The following BARD1 variants were observed in gnomAD, a reference collection of about 807,000 sequenced individuals.
BARD1 encodes the protein BRCA1 associated RING domain 1.
Under a neutral mutation model 77.0 loss-of-function variants are expected in BARD1, and 73 were observed. The observed-to-expected ratio is 0.95, with a 90% CI of 0.79 to 1.15. BARD1 has a LOEUF of 1.15. BARD1 is among the 50% of genes most tolerant of loss of function. The probability of loss-of-function intolerance (pLI) is 0.00; values close to 1 mark genes in which losing one functional copy is unlikely to be tolerated. For synonymous variants in BARD1, 384 were observed against 338.0 expected (o/e 1.14, Z -1.49); for missense variants, 993 against 938.8 (o/e 1.06, Z -0.75).
intron 5 of BARD1, among the ~76,000 whole-genome samples, chr2:214,768,534 T>C (rs1399052243): frequency 6.6e-6 from 1 of 151,888 alleles, no homozygotes; most frequent in Non-Finnish European, 1.5e-5. Flanking sequence ...CCCAGCTTTC[T>C]TGCACCTAGC....
intron 1 of BARD1, among the ~76,000 whole-genome samples, chr2:214,800,492 C>A (rs1393578330): frequency 1.3e-5 from 2 of 152,096 alleles, no homozygotes; most frequent in Admixed American, 6.6e-5. Flanking sequence ...GTGCCATGAT[C>A]GTGCCTGTGA....
chr2:214,797,531 C>A (rs1264842210), intron 1 of BARD1, among the ~76,000 whole-genome samples: 3 of 152,094 alleles, frequency 2.0e-5, no homozygotes, highest in African/African-American at 7.2e-5. Context: ...GACCATATAA[C>A]GTATCATCCA....
At chr2:214,740,493 C>G (rs6435852) in intron 9 of BARD1, among the ~76,000 whole-genome samples, 4,135 of 152,044 alleles carry the variant, frequency 0.027, 192 homozygotes, top group African/African-American at 0.094. Context: ...AGTAACCCAC[C>G]AATTTACTGC....
chr2:214,761,298 A>G (rs1427613776), intron 6 of BARD1, among the ~76,000 whole-genome samples: 1 of 152,090 alleles, frequency 6.6e-6, no homozygotes, highest in Non-Finnish European at 1.5e-5. Flanking sequence ...AGAAAAAAAA[A>G]AAAAGCATTC....
chr2:214,799,669 T>C (rs577246411), intron 1 of BARD1, among the ~76,000 whole-genome samples: 1 of 151,614 alleles, frequency 6.6e-6, no homozygotes, highest in African/African-American at 2.4e-5. Flanking sequence ...TCTTCTCTCA[T>C]TTGCATCTAC....
intron 9 of BARD1, 115 bp downstream of exon 9, chr2:214,744,952 T>C: frequency 1.0e-6 from 1 of 977,074 alleles, no homozygotes; most frequent in Non-Finnish European, 1.6e-6. Context: ...CAAAATGCAG[T>C]GACTAACCAG....
chr2:214,777,945 T>C (rs760847363), intron 4 of BARD1, among the ~76,000 whole-genome samples: 2 of 152,168 alleles, frequency 1.3e-5, no homozygotes, highest in South Asian at 4.1e-4. Flanking sequence ...ATGCCTGTAA[T>C]CCCAAGACTT....
chr2:214,772,292 A>G (rs1192511717), intron 4 of BARD1, among the ~76,000 whole-genome samples: 2 of 152,178 alleles, frequency 1.3e-5, no homozygotes, highest in East Asian at 1.9e-4. Context: ...GAATGCAGGA[A>G]TATCTGCCAA....
In BARD1 at chr2:214,728,839, G is replaced by A. The variant is rs587782662; in HGVS notation, c.2171C>T (p.Ala724Val). 20 of 1,614,024 alleles carry A rather than the reference G, an allele frequency of 1.2e-5. 1 individual carries two copies. The Middle Eastern group carries it at 4.9e-4, about 40-fold the overall frequency. Reference sequence around the variant, plus strand: ...GAAGCGCTGATCAGAATCGGGTCTCGCATGGTATGCGACTGTATTGATGGT... The same window carrying A: ...GAAGCGCTGATCAGAATCGGGTCTCACATGGTATGCGACTGTATTGATGGT... ...TQTINTVAYH[A>V]RPDSDQRFCT... Residue 724 changes from alanine to valine, a missense_variant, in exon 11 of 11, where the codon GCG (alanine) becomes GTG (valine). Transcript: ENST00000260947.
Position 214,767,514 on chromosome 2 carries a change from C to T in BARD1, c.1536G>A (p.Leu512=). The T allele has an allele frequency of 6.2e-7, 1 of 1,613,934 alleles. No individual in the cohort carries two copies. The highest frequency in any genetic ancestry group is 8.5e-7 in the Non-Finnish European group (1 of 1,179,834). The part of the protein sequence containing the change: ...AKNGHVDIVK[L]LLSYGASRNA... Reference sequence around the variant, plus strand: ...TTCTGGAGGCTCCATAGGAAAGTAACAGCTTGACTATATCCACATGCCCAT... The same window carrying T: ...TTCTGGAGGCTCCATAGGAAAGTAATAGCTTGACTATATCCACATGCCCAT... The change falls in exon 6 of 11, where the codon CTG becomes CTA. Residue 512 remains leucine, a synonymous_variant. Coordinates refer to ENST00000260947, the MANE Select transcript of BARD1 (RefSeq NM_000465.4).
At chr2:214,757,603 A>AC (rs1229248158) in intron 6 of BARD1, among the ~76,000 whole-genome samples, 1 of 152,188 alleles carries the variant, frequency 6.6e-6, no homozygotes. Flanking sequence ...TATTTAACAC[A>AC]CATGGAATGA....
At chr2:214,809,285 C>G in intron 1 of BARD1, 127 bp downstream of exon 1, 1 of 1,399,418 alleles carries the variant, frequency 7.1e-7, no homozygotes. Flanking sequence ...CAGGTGCTAA[C>G]CGCACGCCGA....
At chr2:214,731,079 T>C (rs1218225283) in intron 9 of BARD1, 8 of 290,686 alleles carry the variant, frequency 2.8e-5, no homozygotes, top group Admixed American at 1.5e-4. Context: ...AGGTTTGGCA[T>C]GTGACAGGTA....
chr2:214,771,102 T>C (rs1694462762), intron 4 of BARD1, among the ~76,000 whole-genome samples: 1 of 152,200 alleles, frequency 6.6e-6, no homozygotes, highest in South Asian at 2.1e-4. Flanking sequence ...AAAATTTTCT[T>C]GAAATTACAT....
chr2:214,795,936 G>A (rs6748184), intron 2 of BARD1, among the ~76,000 whole-genome samples: 42,756 of 151,850 alleles, frequency 0.28, 6,300 homozygotes, highest in African/African-American at 0.37. Context: ...GATATCCCTC[G>A]TATAACAGAT....
At chr2:214,808,994 G>C (rs919611861) in intron 1 of BARD1, among the ~76,000 whole-genome samples, 3 of 152,190 alleles carry the variant, frequency 2.0e-5, no homozygotes, top group Non-Finnish European at 4.4e-5. Context: ...GAGGGTCTCC[G>C]GGGCGGCCCG....
At chr2:214,794,458 A>C (rs1695667256) in intron 2 of BARD1, among the ~76,000 whole-genome samples, 1 of 152,218 alleles carries the variant, frequency 6.6e-6, no homozygotes, top group African/African-American at 2.4e-5. Context: ...TCCATTCAGC[A>C]AGACAGAGAT....
At chr2:214,807,054 A>G (rs528452800) in intron 1 of BARD1, among the ~76,000 whole-genome samples, 14 of 152,294 alleles carry the variant, frequency 9.2e-5, no homozygotes, top group African/African-American at 3.4e-4. Flanking sequence ...TGGTTTTTAC[A>G]TTTTTAAGAG....
chr2:214,759,220 G>A (rs530999852), intron 6 of BARD1, among the ~76,000 whole-genome samples: 2 of 152,126 alleles, frequency 1.3e-5, no homozygotes, highest in East Asian at 3.9e-4. Context: ...TTCTACTTCA[G>A]AATTCAACAT....
Sources: gnomAD v4.1 joint callset for allele counts (sites outside exome capture counted in the v4.1 genomes callset) on GRCh38, gnomAD v4.1.1 for gene constraint, MANE v1.5 for transcripts, NCBI Gene and HGNC (gene_info 2026-07-23, HGNC 2026-07-21) for gene names.